Variants in CCN4 observed in about 807,000 individuals in gnomAD.
CCN4 encodes CCN family member 4.
A neutral mutation model predicts 36.7 loss-of-function variants in CCN4; 30 were observed. That is an observed-to-expected ratio of 0.82 (90% CI 0.61 to 1.11). The LOEUF (loss-of-function observed/expected upper bound fraction) is 1.11, where lower values mean the gene tolerates loss of function less well. Ranked by LOEUF, CCN4 falls within the 50% of genes least tolerant of loss-of-function variation. The pLI is 0.00. For missense variants in CCN4, 505 were observed against 504.9 expected (o/e 1.00, Z 0.00); for synonymous variants, 191 against 195.4 (o/e 0.98, Z 0.19).
intron 1 of CCN4, among the ~76,000 whole-genome samples, chr8:133,212,455 G>A (rs750034670): frequency 6.6e-6 from 1 of 152,122 alleles, no homozygotes; most frequent in Non-Finnish European, 1.5e-5. Flanking sequence ...CGTCACAGAA[G>A]AGCCATGGGA....
intron 3 of CCN4, among the ~76,000 whole-genome samples, chr8:133,221,227 G>C (rs1384856087): frequency 6.6e-6 from 1 of 152,216 alleles, no homozygotes; most frequent in South Asian, 2.1e-4. Flanking sequence ...TGATGATTTG[G>C]GGCTTCCCCC....
intron 1 of CCN4, among the ~76,000 whole-genome samples, chr8:133,210,336 T>C (rs1488201571): frequency 1.3e-5 from 2 of 152,000 alleles, no homozygotes; most frequent in African/African-American, 4.8e-5. Flanking sequence ...CTGAGGCTTC[T>C]AGAATCATGG....
At chr8:133,212,033 C>T (rs374115824) in intron 1 of CCN4, among the ~76,000 whole-genome samples, 4 of 152,164 alleles carry the variant, frequency 2.6e-5, no homozygotes, top group African/African-American at 9.7e-5. Context: ...GCCTTGGTTT[C>T]CCTTCCCAGC....
At chr8:133,194,016 T>A (rs539715088) in intron 1 of CCN4, among the ~76,000 whole-genome samples, 6 of 152,280 alleles carry the variant, frequency 3.9e-5, no homozygotes, top group African/African-American at 1.4e-4. Context: ...ACTAACTGTC[T>A]CACCACACCA....
At chr8:133,195,773 C>A (rs1451975287) in intron 1 of CCN4, among the ~76,000 whole-genome samples, 1 of 152,250 alleles carries the variant, frequency 6.6e-6, no homozygotes, top group Non-Finnish European at 1.5e-5. Flanking sequence ...GCCCCACCAA[C>A]CACCCCCAGG....
chr8:133,209,151 G>A (rs1454879053), intron 1 of CCN4, among the ~76,000 whole-genome samples: 3 of 152,198 alleles, frequency 2.0e-5, no homozygotes, highest in Non-Finnish European at 4.4e-5. Flanking sequence ...GCTGGAGGGC[G>A]GAAACCGCCC....
intron 4 of CCN4, among the ~76,000 whole-genome samples, chr8:133,226,839 C>T (rs1035261026): frequency 6.6e-6 from 1 of 152,192 alleles, no homozygotes. Flanking sequence ...CTACTCTGTA[C>T]TAGGCATGGA....
At chr8:133,223,127 A>T (rs1854593717) in intron 3 of CCN4, among the ~76,000 whole-genome samples, 1 of 152,058 alleles carries the variant, frequency 6.6e-6, no homozygotes, top group South Asian at 2.1e-4. Context: ...GGAGGCGTGG[A>T]GGAAAGCTTT....
chr8:133,206,739 C>T (rs1018167684), intron 1 of CCN4, among the ~76,000 whole-genome samples: 4 of 152,138 alleles, frequency 2.6e-5, no homozygotes, highest in African/African-American at 9.7e-5. Context: ...AGGGAGGCTG[C>T]CAGTGGATGG....
intron 1 of CCN4, among the ~76,000 whole-genome samples, chr8:133,196,423 G>T (rs142420491): frequency 7.8e-4 from 119 of 152,278 alleles, no homozygotes; most frequent in African/African-American, 2.8e-3. Context: ...AATATACTGG[G>T]TTAAACACAA....
chr8:133,203,623 G>A (rs1229849756), intron 1 of CCN4, among the ~76,000 whole-genome samples: 1 of 152,236 alleles, frequency 6.6e-6, no homozygotes, highest in Non-Finnish European at 1.5e-5. Flanking sequence ...CAGAGCAGGT[G>A]AGCACGGCTC....
chr8:133,200,449 G>C (rs895477880), intron 1 of CCN4, among the ~76,000 whole-genome samples: 4 of 152,198 alleles, frequency 2.6e-5, no homozygotes, highest in African/African-American at 9.7e-5. Flanking sequence ...TTCCACCCGT[G>C]TCTGTGTTCG....
chr8:133,224,229 CTTTTT>C lies in CCN4; in HGVS notation c.611-1136_611-1132del, dbSNP rs59929763. Among the ~76,000 whole-genome samples the C allele has an allele frequency of 8.2e-3, 724 of 88,484 alleles. 123 individuals carry two copies. Among genetic ancestry groups the C allele is most frequent in the African/African-American group, 0.024 (528 of 22,460 alleles). 58.0% of individuals were successfully genotyped at this position (88,484 alleles called of 152,430 possible). A position where few individuals can be genotyped will look rare whatever the true frequency, so the allele number is the denominator to read the frequency against. ...GATTTGAATTTGAAGCCCGTAAGTC[CTTTTT>C]TTTTTTTTTTTTTTTTTTTTTTTTG... On this transcript the variant is annotated intron_variant, in intron 3 of 4. Transcript: ENST00000250160.
rs79437073 is a variant in CCN4, at chr8:133,210,043, T to C, written c.70-2821T>C. ...CCAGAGGAGAGGTTCCAGTACATGA[T>C]GCCTTAAATATCATAGATATCCAAG... On this transcript the variant is annotated intron_variant, in intron 1 of 4. Coordinates refer to ENST00000250160, the MANE Select transcript of CCN4 (RefSeq NM_003882.4). 3.4e-3 allele frequency among the ~76,000 whole-genome samples: 524 copies of C among 152,330 alleles called. 8 individuals are homozygous for C. The highest frequency in any genetic ancestry group is 0.017 in the East Asian group (86 of 5,182).
chr8:133,223,559 TG>T (rs919454246), intron 3 of CCN4, among the ~76,000 whole-genome samples: 5 of 152,152 alleles, frequency 3.3e-5, no homozygotes, highest in African/African-American at 1.2e-4. Context: ...TCTTCTTTTC[TG>T]TGTTTATCTT....
At chr8:133,205,216 G>C (rs1446084118) in intron 1 of CCN4, among the ~76,000 whole-genome samples, 1 of 152,208 alleles carries the variant, frequency 6.6e-6, no homozygotes, top group Non-Finnish European at 1.5e-5. Flanking sequence ...ACCGCAGAGT[G>C]GCCACCACCT....
At chr8:133,212,218 G>A (rs1854071328) in intron 1 of CCN4, among the ~76,000 whole-genome samples, 1 of 152,168 alleles carries the variant, frequency 6.6e-6, no homozygotes, top group Admixed American at 6.5e-5. Flanking sequence ...TAGGGCTTGT[G>A]CTGGCAAAGG....
intron 1 of CCN4, among the ~76,000 whole-genome samples, chr8:133,210,921 G>T (rs16904847): frequency 6.6e-6 from 1 of 152,220 alleles, no homozygotes; most frequent in South Asian, 2.1e-4. Flanking sequence ...GAACTGCATC[G>T]CAGCGGCCTT....
intron 1 of CCN4, among the ~76,000 whole-genome samples, chr8:133,209,369 G>T (rs1384381721): frequency 6.6e-6 from 1 of 152,184 alleles, no homozygotes; most frequent in Non-Finnish European, 1.5e-5. Context: ...ATGCCCTGGG[G>T]TCCAGAGGGT....
Sources: allele counts gnomAD v4.1 joint callset (sites outside exome capture counted in the v4.1 genomes callset), GRCh38; gene constraint gnomAD v4.1.1; transcripts MANE v1.5; gene names NCBI Gene and HGNC (gene_info 2026-07-23, HGNC 2026-07-21).